ARHGEF18: variants seen among roughly 807,000 people sequenced by gnomAD.
ARHGEF18 encodes the protein Rho/Rac guanine nucleotide exchange factor 18.
Under a neutral mutation model 155.7 loss-of-function variants are expected in ARHGEF18, and 93 were observed. The ratio of observed to expected loss-of-function variants is 0.60; its 90% CI spans 0.50 to 0.71. ARHGEF18 has a LOEUF of 0.71. Among genes scored for constraint, ARHGEF18 ranks in the 30% least tolerant of loss-of-function variants. The probability of loss-of-function intolerance (pLI) is 0.00; values close to 1 mark genes in which losing one functional copy is unlikely to be tolerated. For missense variants in ARHGEF18, 1,593 were observed against 1,816.1 expected (o/e 0.88, Z 2.23); for synonymous variants, 742 against 753.1 (o/e 0.99, Z 0.24).
At position 7,462,234 on chromosome 19, in the gene ARHGEF18, C is replaced by G; in HGVS notation, c.2535C>G (p.Gly845=). 6.2e-7 allele frequency: 1 copy of G among 1,613,906 alleles called. No individual in the cohort carries two copies. The highest frequency in any genetic ancestry group is 8.5e-7 in the Non-Finnish European group (1 of 1,180,014). The part of the protein sequence containing the change: ...QQIYLEMAEM[G]GLEDLPQPRG... ...TCTACCTGGAGATGGCCGAGATGGG[C>G]GGCCTCGAAGACCTGCCCCAGCCCC... The change falls in exon 21 of 29, where the codon GGC becomes GGG. Residue 845 remains glycine (G), a synonymous_variant. Coordinates refer to ENST00000668164, the MANE Select transcript of ARHGEF18 (RefSeq NM_001367823.1). This position sits in a 1 kb window ranked among gnomAD's most constrained non-coding sequence, Gnocchi z 4.4.
chr19:7,475,217 G>T (rs1283374941), downstream of ARHGEF18, among the ~76,000 whole-genome samples: 1 of 152,196 alleles, frequency 6.6e-6, no homozygotes, highest in African/African-American at 2.4e-5. Context: ...AGGCGACAGA[G>T]TGACTCTGTC....
chr19:7,470,265 G>T lies in ARHGEF18; in HGVS notation c.4053G>T (p.Glu1351Asp), dbSNP rs1320139101. 8.3e-6 allele frequency: 13 copies of T among 1,563,020 alleles called. No individual in the cohort carries two copies. Among genetic ancestry groups the T allele is most frequent in the Non-Finnish European group, 1.1e-5 (13 of 1,156,870 alleles). ...PLPATPLSAK[E>D]DASKEDVIFF Reference sequence around the variant, plus strand: ...CGGCCACACCACTCAGCGCCAAGGAGGACGCCAGCAAAGAAGACGTCATCT... The same window carrying T: ...CGGCCACACCACTCAGCGCCAAGGATGACGCCAGCAAAGAAGACGTCATCT... Residue 1351 changes from glutamate to aspartate, a missense_variant, in exon 29 of 29, where the codon GAG becomes GAT. By Grantham distance (45) the Glu-to-Asp change is conservative. Transcript: ENST00000668164. This position sits in a 1 kb window ranked among gnomAD's most constrained non-coding sequence, Gnocchi z 5.9.
chr19:7,416,518 A>G (rs1296014676), intron 10 of ARHGEF18, among the ~76,000 whole-genome samples: 4 of 146,290 alleles, frequency 2.7e-5, no homozygotes, highest in Non-Finnish European at 4.5e-5. Flanking sequence ...GATGTGCCTC[A>G]CGGAGAAAAT....
At chr19:7,443,055 ATTTTTTTTT>A (rs10600280) in intron 13 of ARHGEF18, among the ~76,000 whole-genome samples, 4 of 81,194 alleles carry the variant, frequency 4.9e-5, no homozygotes, top group Non-Finnish European at 6.7e-5. Flanking sequence ...TGCCCAGCTA[ATTTTTTTTT>A]TTTTTTTTTT....
rs1976430003 is a variant in ARHGEF18 at position 7,463,685 on chromosome 19, C to A, written c.2636-133C>A. The A allele has an allele frequency of 8.6e-7, 1 of 1,159,368 alleles. No homozygotes were observed. The highest frequency in any genetic ancestry group is 1.6e-5 in the African/African-American group (1 of 63,632). The allele number at this position is 1,159,368 out of a possible 1,614,324, so 71.8% of individuals were successfully genotyped here. A position where few individuals can be genotyped will look rare whatever the true frequency, so the allele number is the denominator to read the frequency against. ...ACAGTGGGGCTGAAATCCCACGGCACACAGAAGGGGGCAGGCGATCACCAC... is the reference window on the plus strand; with the variant it reads ...ACAGTGGGGCTGAAATCCCACGGCAAACAGAAGGGGGCAGGCGATCACCAC... On this transcript the variant is annotated intron_variant, in intron 21 of 28. Coordinates refer to ENST00000668164, the MANE Select transcript of ARHGEF18 (RefSeq NM_001367823.1). This position sits in a 1 kb window ranked among gnomAD's most constrained non-coding sequence, Gnocchi z 5.2.
chr19:7,369,001 G>T (rs1186267874), intron 2 of ARHGEF18, among the ~76,000 whole-genome samples: 4 of 152,186 alleles, frequency 2.6e-5, no homozygotes, highest in African/African-American at 9.7e-5. Context: ...AAGAAGGCAG[G>T]CTGTGGAAAC....
intron 10 of ARHGEF18, among the ~76,000 whole-genome samples, chr19:7,417,110 A>G (rs1026460741): frequency 6.6e-6 from 1 of 151,724 alleles, no homozygotes; most frequent in African/African-American, 2.4e-5. Flanking sequence ...GGGTTTCACT[A>G]TGTTGGTCAG....
chr19:7,452,912 T>TA (rs1469020415), intron 16 of ARHGEF18, among the ~76,000 whole-genome samples: 1 of 151,776 alleles, frequency 6.6e-6, no homozygotes, highest in Non-Finnish European at 1.5e-5. Context: ...AATTCAGCTC[T>TA]GGGCCAGGCA....
At chr19:7,431,894 T>C (rs1371134484) in intron 10 of ARHGEF18, among the ~76,000 whole-genome samples, 2 of 152,232 alleles carry the variant, frequency 1.3e-5, no homozygotes, top group African/African-American at 4.8e-5. Flanking sequence ...TTGCTACGAA[T>C]TACCACATTT....
intron 10 of ARHGEF18, among the ~76,000 whole-genome samples, chr19:7,392,400 T>G (rs1971454379): frequency 6.6e-6 from 1 of 151,288 alleles, no homozygotes; most frequent in African/African-American, 2.4e-5. Context: ...CCAAGATAGC[T>G]ATAGAAATAA....
At chr19:7,448,425 G>T (rs1975137773) in intron 15 of ARHGEF18, among the ~76,000 whole-genome samples, 1 of 152,216 alleles carries the variant, frequency 6.6e-6, no homozygotes, top group African/African-American at 2.4e-5. Flanking sequence ...ATTTTGGGAG[G>T]CCAAGGCGGG....
At position 7,383,114 on chromosome 19, in the gene ARHGEF18, G is replaced by A. The variant is rs949299896; in HGVS notation, c.878G>A (p.Arg293Gln). 4.2e-5 allele frequency: 52 copies of A among 1,232,154 alleles called. No individual in the cohort carries two copies. Among genetic ancestry groups the A allele is most frequent in the South Asian group, 3.3e-4 (8 of 24,324 alleles). The allele number at this position is 1,232,154 out of a possible 1,614,324, so 76.3% of individuals were successfully genotyped here. A position where few individuals can be genotyped will look rare whatever the true frequency, so the allele number is the denominator to read the frequency against. ...KDKGQDARER[R>Q]ECVNGHQLLQ... ...AAGGGCCAGGATGCACGAGAGAGGCGGGAGTGTGTCAATGGGCACCAGCTG... is the reference window on the plus strand; with the variant it reads ...AAGGGCCAGGATGCACGAGAGAGGCAGGAGTGTGTCAATGGGCACCAGCTG... Residue 293 changes from arginine to glutamine, a missense_variant, in exon 10 of 29, where the codon CGG becomes CAG. Coordinates refer to ENST00000668164, the MANE Select transcript of ARHGEF18 (RefSeq NM_001367823.1).
At chr19:7,369,866 C>T (rs1970120585) in intron 2 of ARHGEF18, among the ~76,000 whole-genome samples, 4 of 152,068 alleles carry the variant, frequency 2.6e-5, no homozygotes, top group Non-Finnish European at 5.9e-5. Context: ...CACTGCACTC[C>T]AGCCCAGGAG....
intron 10 of ARHGEF18, among the ~76,000 whole-genome samples, chr19:7,397,757 T>C (rs1011189855): frequency 3.0e-4 from 46 of 151,874 alleles, no homozygotes; most frequent in Middle Eastern, 3.4e-3. Flanking sequence ...ATTTTTTTTG[T>C]GGGGTCTCGC....
chr19:7,446,186 G>T (rs1311890484), intron 14 of ARHGEF18, among the ~76,000 whole-genome samples: 1 of 151,916 alleles, frequency 6.6e-6, no homozygotes, highest in Non-Finnish European at 1.5e-5. Flanking sequence ...ATCACTTGAG[G>T]TTATGAGTTC....
intron 2 of ARHGEF18, among the ~76,000 whole-genome samples, chr19:7,367,163 A>G (rs968401185): frequency 2.6e-5 from 4 of 152,254 alleles, no homozygotes; most frequent in African/African-American, 9.6e-5. Flanking sequence ...TCCTACAAGT[A>G]GGTGGCAGTA....
At chr19:7,435,053 T>C (rs1046790172) in intron 10 of ARHGEF18, among the ~76,000 whole-genome samples, 4 of 152,018 alleles carry the variant, frequency 2.6e-5, no homozygotes, top group African/African-American at 9.7e-5. Flanking sequence ...AATACAAAAA[T>C]TAGCTGGGCG....
chr19:7,432,257 TTTAA>T (rs1332437004), intron 10 of ARHGEF18, among the ~76,000 whole-genome samples: 4 of 152,194 alleles, frequency 2.6e-5, no homozygotes, highest in African/African-American at 9.6e-5. Context: ...TCAGATTTTC[TTTAA>T]TTGTCTCTCG....
chr19:7,409,031 G>T (rs1600332585), intron 10 of ARHGEF18, among the ~76,000 whole-genome samples: 1 of 151,226 alleles, frequency 6.6e-6, no homozygotes, highest in African/African-American at 2.4e-5. Flanking sequence ...CTGCATTCCA[G>T]CCTGGGCAAG....
Sources: gnomAD v4.1 joint callset for allele counts (sites outside exome capture counted in the v4.1 genomes callset) on GRCh38, gnomAD v4.1.1 for gene constraint, Gnocchi (gnomAD v3.1) non-coding constraint, MANE v1.5 for transcripts, NCBI Gene and HGNC (gene_info 2026-07-23, HGNC 2026-07-21) for gene names.